The following PVT1 variants were observed in gnomAD, a reference collection of about 807,000 sequenced individuals.
The protein encoded by PVT1 is CXCR4/PVT1 fusion.
intron 2 of PVT1, among the ~76,000 whole-genome samples, chr8:127,797,535 A>G (rs1385853845): frequency 1.3e-5 from 2 of 152,216 alleles, no homozygotes; most frequent in Admixed American, 1.3e-4. Context: ...CAGAAATTCA[A>G]GGCCTTTTGG....
intron 3 of PVT1, chr8:127,932,757 T>TGGTA (rs1554598118): frequency 2.9e-6 from 1 of 344,448 alleles, no homozygotes; most frequent in African/African-American, 2.1e-5. Flanking sequence ...CTCAATAAGC[T>TGGTA]GATATATAGT....
intron 4 of PVT1, among the ~76,000 whole-genome samples, chr8:128,058,185 AT>A (rs1425973321): frequency 6.6e-6 from 1 of 152,120 alleles, no homozygotes; most frequent in East Asian, 1.9e-4. Flanking sequence ...CTTGTGATGG[AT>A]CCTTCCTAAG....
At chr8:128,100,755 C>T (rs1814493567) in intron 6 of PVT1, among the ~76,000 whole-genome samples, 1 of 152,174 alleles carries the variant, frequency 6.6e-6, no homozygotes, top group Admixed American at 6.5e-5. Flanking sequence ...GTCAAGCTAA[C>T]TTTGGAAGAC....
intron 5 of PVT1, among the ~76,000 whole-genome samples, chr8:128,081,565 T>C (rs1814179520): frequency 6.6e-6 from 1 of 152,224 alleles, no homozygotes; most frequent in African/African-American, 2.4e-5. Context: ...GTTATTAGCC[T>C]TGCCTTCTGG....
At chr8:128,091,105 G>C (rs182168119) in intron 5 of PVT1, among the ~76,000 whole-genome samples, 3 of 152,138 alleles carry the variant, frequency 2.0e-5, no homozygotes, top group Non-Finnish European at 2.9e-5. Flanking sequence ...TGAGTGCTCC[G>C]TGAATGTTAG....
At chr8:128,008,606 AT>A (rs2130031343) in intron 4 of PVT1, among the ~76,000 whole-genome samples, 1 of 152,252 alleles carries the variant, frequency 6.6e-6, no homozygotes, top group East Asian at 1.9e-4. Context: ...TGTTAGTTTC[AT>A]TGCTGCCTTC....
chr8:128,064,513 A>C (rs550261569), intron 4 of PVT1, among the ~76,000 whole-genome samples: 1 of 152,258 alleles, frequency 6.6e-6, no homozygotes, highest in East Asian at 1.9e-4. Context: ...GCAAATGATC[A>C]TCTGGGAAAT....
At position 128,074,348 on chromosome 8, in the gene PVT1, TGAAAAAATAAAAATA is replaced by T. The variant is rs1366220773; in HGVS notation, n.1114+3988_1114+4002del. ...GGTGATACCCTATCTCTACTAAAAATGAAAAAATAAAAATAAAAAAAAAAATTAGTGGGGTGTGGT... is the reference window on the plus strand; with the variant it reads ...GGTGATACCCTATCTCTACTAAAAATAAAAAAAAAATTAGTGGGGTGTGGT... On this transcript the variant is annotated intron_variant and non_coding_transcript_variant, in intron 5 of 10. Coordinates refer to ENST00000651587, the Ensembl canonical transcript of PVT1. Among the ~76,000 whole-genome samples the T allele has an allele frequency of 3.2e-3, 414 of 128,838 alleles. 1 individual carries two copies. The highest frequency in any genetic ancestry group is 0.013 in the South Asian group (44 of 3,412). 84.5% of individuals were successfully genotyped at this position (128,838 alleles called of 152,430 possible).
At chr8:128,052,765 GCA>G (rs764873296) in intron 4 of PVT1, among the ~76,000 whole-genome samples, 11 of 152,304 alleles carry the variant, frequency 7.2e-5, no homozygotes, top group Non-Finnish European at 1.3e-4. Context: ...TATGTGCAGG[GCA>G]CAGTTTTAAG....
intron 4 of PVT1, among the ~76,000 whole-genome samples, chr8:127,997,820 C>G (rs953046604): frequency 6.6e-6 from 1 of 152,226 alleles, no homozygotes; most frequent in Non-Finnish European, 1.5e-5. Context: ...AGGATCCCAT[C>G]TGGGATCCCA....
At chr8:127,991,903 G>C (rs1157812265) in intron 4 of PVT1, among the ~76,000 whole-genome samples, 2 of 152,150 alleles carry the variant, frequency 1.3e-5, no homozygotes, top group African/African-American at 2.4e-5. Flanking sequence ...ACCAATAGGA[G>C]GGCATCCTCA....
rs1006316842 is a variant in PVT1, at chr8:128,021,011, T to C, written n.912+31720T>C. On this transcript the variant is annotated intron_variant and non_coding_transcript_variant, in intron 4 of 10. Transcript: ENST00000651587. ...GCTTGGTGGATTTTTACCACTGCAATGTGGGCCTTGGCTTCCTATTTCAGA... is the reference window on the plus strand; with the variant it reads ...GCTTGGTGGATTTTTACCACTGCAACGTGGGCCTTGGCTTCCTATTTCAGA... Among the ~76,000 whole-genome samples, 8 of 152,304 alleles carry C rather than the reference T, an allele frequency of 5.3e-5. No individual in the cohort carries two copies. The South Asian group carries it at 1.0e-3, about 20-fold the overall frequency.
chr8:127,991,119 G>C (rs1038427978), intron 4 of PVT1, among the ~76,000 whole-genome samples: 12 of 149,518 alleles, frequency 8.0e-5, no homozygotes, highest in Admixed American at 6.7e-4. Context: ...GCCCTACGTA[G>C]CTCTTTTTTT....
intron 2 of PVT1, among the ~76,000 whole-genome samples, chr8:127,841,483 A>G (rs1814974227): frequency 6.6e-6 from 1 of 152,140 alleles, no homozygotes; most frequent in Admixed American, 6.6e-5. Flanking sequence ...CATGTTGGCC[A>G]GTCTGGTCTT....
intron 3 of PVT1, among the ~76,000 whole-genome samples, chr8:127,970,464 AT>A (rs1257413261): frequency 1.8e-4 from 27 of 151,068 alleles, no homozygotes; most frequent in African/African-American, 6.5e-4. Flanking sequence ...TGCCTGGCTA[AT>A]TTTTTTTGTA....
chr8:128,055,124 A>G (rs1813748185), intron 4 of PVT1, among the ~76,000 whole-genome samples: 1 of 152,144 alleles, frequency 6.6e-6, no homozygotes, highest in African/African-American at 2.4e-5. Context: ...TGTGTGAGTC[A>G]ATTCCTTATA....
rs372178559 is a variant in PVT1 at position 127,914,732 on chromosome 8, C to G, written n.782+23734C>G. ...ATTTTTATGAATTTTCAAGAATAAG[C>G]AAAATTATATAGACAGAAAGCAGAT... On this transcript the variant is annotated intron_variant and non_coding_transcript_variant, in intron 3 of 10. Transcript: ENST00000651587. Among the ~76,000 whole-genome samples, 379 of 151,042 alleles carry G rather than the reference C, an allele frequency of 2.5e-3. 1 individual carries two copies. The highest frequency in any genetic ancestry group is 9.0e-3 in the African/African-American group (371 of 41,090).
At chr8:127,888,715 C>T (rs1815556571) in intron 2 of PVT1, among the ~76,000 whole-genome samples, 1 of 152,152 alleles carries the variant, frequency 6.6e-6, no homozygotes, top group South Asian at 2.1e-4. Context: ...AAGCCACAGC[C>T]AAGGCCTATG....
At chr8:127,906,195 T>C (rs1815817288) in intron 3 of PVT1, among the ~76,000 whole-genome samples, 1 of 152,206 alleles carries the variant, frequency 6.6e-6, no homozygotes, top group Non-Finnish European at 1.5e-5. Context: ...CAGACCCTAA[T>C]GACCACCTGG....
Sources: allele counts gnomAD v4.1 joint callset (sites outside exome capture counted in the v4.1 genomes callset), GRCh38; gene constraint gnomAD v4.1.1; transcripts MANE v1.5; gene names NCBI Gene and HGNC (gene_info 2026-07-23, HGNC 2026-07-21).